CLOCK: variants seen among roughly 807,000 people sequenced by gnomAD.
The protein encoded by CLOCK is circadian locomoter output cycles protein kaput.
In CLOCK, 43 loss-of-function variants were observed where a neutral mutation model predicts 118.4. The observed-to-expected ratio is 0.36, with a 90% CI of 0.28 to 0.47. The LOEUF (loss-of-function observed/expected upper bound fraction) is 0.47. Among genes scored for constraint, CLOCK ranks in the 20% least tolerant of loss-of-function variants. The probability of loss-of-function intolerance (pLI) is 1.00; values close to 1 mark genes in which losing one functional copy is unlikely to be tolerated. For synonymous variants in CLOCK, 326 were observed against 339.2 expected (o/e 0.96, Z 0.43); for missense variants, 846 against 999.9 (o/e 0.85, Z 2.08).
chr4:55,480,751 C>A (rs571371732), intron 4 of CLOCK, among the ~76,000 whole-genome samples: 1 of 151,812 alleles, frequency 6.6e-6, no homozygotes, highest in African/African-American at 2.4e-5. Context: ...CTTAGCCGGG[C>A]GTGGTGATGG....
intron 2 of CLOCK, among the ~76,000 whole-genome samples, chr4:55,508,477 T>C (rs1434565479): frequency 6.6e-6 from 1 of 152,044 alleles, no homozygotes; most frequent in Non-Finnish European, 1.5e-5. Flanking sequence ...CTCCTATCTC[T>C]CTCTAATTTC....
chr4:55,484,700 C>A (rs1211579510), intron 3 of CLOCK, among the ~76,000 whole-genome samples: 1 of 152,024 alleles, frequency 6.6e-6, no homozygotes, highest in Non-Finnish European at 1.5e-5. Context: ...TTATAAGGCA[C>A]CCAGTAAGTA....
At chr4:55,522,749 T>A (rs1026000050) in intron 1 of CLOCK, among the ~76,000 whole-genome samples, 2 of 152,184 alleles carry the variant, frequency 1.3e-5, no homozygotes, top group African/African-American at 4.8e-5. Flanking sequence ...CTCATATATA[T>A]GTATGCATCT....
In CLOCK at chr4:55,430,913, A is replaced by C. The variant is rs1175552030; in HGVS notation, c.*4502T>G. The C allele has an allele frequency of 6.6e-6, 1 of 152,192 alleles. No individual in the cohort carries two copies. Among genetic ancestry groups the C allele is most frequent in the African/African-American group, 2.4e-5 (1 of 41,450 alleles). The allele number at this position is 152,192 out of a possible 1,614,324, so 9.4% of individuals were successfully genotyped here. ...ACAATCTCTTGACTCCACCACATTC[A>C]AAACAAAAATCAAAGTTCATTTGGC... On this transcript the variant is annotated 3_prime_UTR_variant, in exon 23 of 23. Transcript: ENST00000513440.
intron 1 of CLOCK, among the ~76,000 whole-genome samples, chr4:55,536,631 T>C (rs980186207): frequency 1.3e-5 from 2 of 152,196 alleles, no homozygotes; most frequent in African/African-American, 4.8e-5. Flanking sequence ...CCATGCTTCC[T>C]ATACACTTTG....
intron 21 of CLOCK, among the ~76,000 whole-genome samples, chr4:55,439,970 C>T (rs758395952): frequency 7.2e-5 from 11 of 151,886 alleles, no homozygotes; most frequent in South Asian, 2.1e-4. Flanking sequence ...TATTTTAAAA[C>T]GGTTAACATG....
intron 1 of CLOCK, among the ~76,000 whole-genome samples, chr4:55,518,250 T>C (rs1338427347): frequency 6.6e-6 from 1 of 152,088 alleles, no homozygotes; most frequent in Admixed American, 6.5e-5. Context: ...ACGTGAAATA[T>C]GACATTACCA....
intron 18 of CLOCK, 62 bp from the exon 19 acceptor site, chr4:55,444,847 CACA>C (rs1723671212): frequency 6.6e-7 from 1 of 1,523,340 alleles, no homozygotes; most frequent in African/African-American, 1.4e-5. Context: ...CTTATAATTG[CACA>C]ACATGAAAAG....
At chr4:55,447,913 G>C (rs1460852122) in intron 18 of CLOCK, among the ~76,000 whole-genome samples, 3 of 152,098 alleles carry the variant, frequency 2.0e-5, no homozygotes, top group African/African-American at 7.2e-5. Context: ...ATGTGTTTGA[G>C]GCACTGAATG....
At chr4:55,508,783 G>A (rs995436860) in intron 2 of CLOCK, among the ~76,000 whole-genome samples, 4 of 152,020 alleles carry the variant, frequency 2.6e-5, no homozygotes, top group South Asian at 2.1e-4. Context: ...TAGTAGAGAC[G>A]GAGTTTCACC....
intron 9 of CLOCK, among the ~76,000 whole-genome samples, 157 bp downstream of exon 9, chr4:55,463,527 CA>C (rs1322659132): frequency 6.6e-6 from 1 of 151,976 alleles, no homozygotes; most frequent in Admixed American, 6.6e-5. Flanking sequence ...AATATGGTCA[CA>C]ATTTCATTTT....
chr4:55,438,102 T>C (rs941449240), intron 22 of CLOCK, among the ~76,000 whole-genome samples, 180 bp downstream of exon 22: 1 of 152,198 alleles, frequency 6.6e-6, no homozygotes, highest in Admixed American at 6.5e-5. Context: ...TTCCAACGAC[T>C]GAGCAAGGGA....
intron 1 of CLOCK, among the ~76,000 whole-genome samples, chr4:55,525,735 G>C (rs1187904568): frequency 6.6e-6 from 1 of 152,028 alleles, no homozygotes; most frequent in Non-Finnish European, 1.5e-5. Flanking sequence ...CTCCCAAAGT[G>C]CTGGAATTAC....
At chr4:55,534,735 A>G (rs1730775603) in intron 1 of CLOCK, among the ~76,000 whole-genome samples, 1 of 151,458 alleles carries the variant, frequency 6.6e-6, no homozygotes, top group Non-Finnish European at 1.5e-5. Flanking sequence ...GAACAAGATG[A>G]AGACCACCAT....
intron 6 of CLOCK, among the ~76,000 whole-genome samples, chr4:55,476,512 G>C (rs944417773): frequency 2.0e-5 from 3 of 152,168 alleles, no homozygotes; most frequent in African/African-American, 7.2e-5. Context: ...CCTTAGGCCT[G>C]CCTACTGCTG....
At position 55,453,039 on chromosome 4, in the gene CLOCK, T is replaced by G. The variant is rs777039092; in HGVS notation, c.1206+15A>C. 6.4e-7 allele frequency: 1 copy of G among 1,572,574 alleles called. No homozygotes were observed. Among genetic ancestry groups the G allele is most frequent in the Non-Finnish European group, 8.7e-7 (1 of 1,150,584 alleles). On this transcript the variant is annotated intron_variant, in intron 15 of 22. Transcript: ENST00000513440. Reference sequence around the variant, plus strand: ...AGAAATTAAAAATAATTTTTTTTAATTATAAGAAACATACTTTGTCAGCAG... The same window carrying G: ...AGAAATTAAAAATAATTTTTTTTAAGTATAAGAAACATACTTTGTCAGCAG...
At chr4:55,483,109 T>C (rs930903566) in intron 3 of CLOCK, among the ~76,000 whole-genome samples, 4 of 152,216 alleles carry the variant, frequency 2.6e-5, no homozygotes, top group Non-Finnish European at 5.9e-5. Context: ...ATATTCAGTA[T>C]ATATTTGACT....
intron 11 of CLOCK, among the ~76,000 whole-genome samples, chr4:55,457,803 C>T (rs1725022694): frequency 6.6e-6 from 1 of 152,104 alleles, no homozygotes; most frequent in Non-Finnish European, 1.5e-5. Context: ...TTAATAGAAT[C>T]AAGTCCCAGT....
chr4:55,488,817 C>T (rs1727481991), intron 3 of CLOCK, among the ~76,000 whole-genome samples: 1 of 152,144 alleles, frequency 6.6e-6, no homozygotes, highest in African/African-American at 2.4e-5. Context: ...CTCACTGTAG[C>T]GTCAACCTCC....
Sources: gnomAD v4.1 joint callset for allele counts (sites outside exome capture counted in the v4.1 genomes callset) on GRCh38, gnomAD v4.1.1 for gene constraint, MANE v1.5 for transcripts, NCBI Gene and HGNC (gene_info 2026-07-23, HGNC 2026-07-21) for gene names.